ACBD6: variants seen among roughly 807,000 people sequenced by gnomAD.
ACBD6 encodes the protein acyl-CoA binding domain containing 6, also known as acyl-CoA-binding domain-containing protein 6.
In ACBD6, 28 loss-of-function variants were observed where a neutral mutation model predicts 37.2. The observed-to-expected ratio is 0.75, with a 90% confidence interval of 0.56 to 1.03. The LOEUF is 1.03. ACBD6 is among the 50% of genes least tolerant of loss of function. The pLI is 0.00. For synonymous variants in ACBD6, 113 were observed against 126.8 expected (o/e 0.89, Z 0.73); for missense variants, 340 against 337.4 (o/e 1.01, Z -0.06).
intron 6 of ACBD6, among the ~76,000 whole-genome samples, chr1:180,375,417 C>A (rs989682416): frequency 1.3e-5 from 2 of 152,144 alleles, no homozygotes; most frequent in African/African-American, 4.8e-5. Context: ...TCTCGATCTC[C>A]TGGGCTCAGG....
In ACBD6 at chr1:180,433,574, C is replaced by CTG. The variant is rs61101474; in HGVS notation, c.385-3314_385-3313dup. Among the ~76,000 whole-genome samples, 671 of 149,790 alleles carry CTG rather than the reference C, an allele frequency of 4.5e-3. 4 individuals carry two copies. Among genetic ancestry groups the CTG allele is most frequent in the Middle Eastern group, 0.014 (4 of 288 alleles). ...AATAAAAGGCATTTGTGGTGTTATG[C>CTG]TGTGTGTGTGTGTGTGTGTGTGTGT... On this transcript the variant is annotated intron_variant, in intron 3 of 7. Coordinates refer to ENST00000367595, the MANE Select transcript of ACBD6 (RefSeq NM_032360.4).
intron 5 of ACBD6, among the ~76,000 whole-genome samples, chr1:180,402,267 T>C (rs934149862): frequency 6.6e-6 from 1 of 152,188 alleles, no homozygotes; most frequent in Non-Finnish European, 1.5e-5. Context: ...GAAATGACAA[T>C]GTTATTTCAA....
At chr1:180,447,234 A>C (rs1649509100) in intron 3 of ACBD6, among the ~76,000 whole-genome samples, 1 of 152,190 alleles carries the variant, frequency 6.6e-6, no homozygotes, top group African/African-American at 2.4e-5. Flanking sequence ...TACTACATAC[A>C]CTAGCTAACA....
intron 6 of ACBD6, among the ~76,000 whole-genome samples, chr1:180,348,729 T>A (rs1434879351): frequency 6.6e-6 from 1 of 151,826 alleles, no homozygotes; most frequent in Non-Finnish European, 1.5e-5. Flanking sequence ...TCCAAACAGC[T>A]ATCAATTTTT....
At chr1:180,338,159 T>C (rs879212600) in intron 6 of ACBD6, among the ~76,000 whole-genome samples, 1 of 152,152 alleles carries the variant, frequency 6.6e-6, no homozygotes, top group South Asian at 2.1e-4. Flanking sequence ...ATGACTTTCT[T>C]CACAGAATTG....
intron 3 of ACBD6, among the ~76,000 whole-genome samples, chr1:180,440,251 G>C (rs1649226677): frequency 6.6e-6 from 1 of 152,058 alleles, no homozygotes. Flanking sequence ...TGGGATTACA[G>C]ATGCCCACCA....
At chr1:180,347,359 A>AGT (rs1282451195) in intron 6 of ACBD6, among the ~76,000 whole-genome samples, 9,908 of 35,956 alleles carry the variant, frequency 0.28, 1,415 homozygotes, top group East Asian at 0.38. Context: ...TTCAACAGAA[A>AGT]GTTTTTTTTT....
At chr1:180,478,496 T>C (rs58175505) in intron 3 of ACBD6, among the ~76,000 whole-genome samples, 6,602 of 151,824 alleles carry the variant, frequency 0.043, 460 homozygotes, top group African/African-American at 0.14. Context: ...TCTCTCTTTT[T>C]TTTTTTTTTT....
At chr1:180,317,254 A>G (rs531288576) in intron 6 of ACBD6, among the ~76,000 whole-genome samples, 35 of 152,340 alleles carry the variant, frequency 2.3e-4, no homozygotes, top group African/African-American at 7.9e-4. Context: ...ACACAAAAGG[A>G]CAAATATTGT....
rs1650729658 is a variant in ACBD6 at position 180,314,684 on chromosome 1, C to A, written c.694+8G>T. ...ATATGATTACTTAATAATTTAGAAA[C>A]TTCTTACCATAATGTAGAGCTGTTT... On this transcript the variant is annotated splice_region_variant and intron_variant, in intron 7 of 7. Coordinates refer to ENST00000367595, the MANE Select transcript of ACBD6 (RefSeq NM_032360.4). 1.3e-6 allele frequency: 2 copies of A among 1,521,666 alleles called. No individual in the cohort carries two copies. The allele number at this position is 1,521,666 out of a possible 1,614,324, so 94.3% of individuals were successfully genotyped here.
intron 4 of ACBD6, among the ~76,000 whole-genome samples, chr1:180,420,421 G>A (rs577025766): frequency 7.2e-5 from 11 of 152,238 alleles, no homozygotes; most frequent in Non-Finnish European, 1.3e-4. Context: ...GATCCTTCCC[G>A]ACCTTCATAA....
chr1:180,392,798 G>A (rs1654123928), intron 6 of ACBD6, among the ~76,000 whole-genome samples: 1 of 150,828 alleles, frequency 6.6e-6, no homozygotes, highest in Non-Finnish European at 1.5e-5. Context: ...GACACAGACA[G>A]GCACAAGGTA....
chr1:180,282,662 G>C (rs964612619), intron 8 of ACBD6, among the ~76,000 whole-genome samples: 1 of 152,024 alleles, frequency 6.6e-6, no homozygotes, highest in South Asian at 2.1e-4. Context: ...TCACTTTTTC[G>C]ACACCTGTCA....
intron 6 of ACBD6, among the ~76,000 whole-genome samples, chr1:180,392,854 C>G (rs554843750): frequency 7.2e-5 from 11 of 152,130 alleles, no homozygotes; most frequent in Admixed American, 7.2e-4. Flanking sequence ...TAAGCTTATA[C>G]AATTTATATG....
intron 6 of ACBD6, among the ~76,000 whole-genome samples, chr1:180,364,617 T>C (rs971570360): frequency 1.3e-5 from 2 of 152,196 alleles, no homozygotes; most frequent in East Asian, 1.9e-4. Context: ...GGCTATTTTG[T>C]GAAGTAAACA....
At chr1:180,470,811 A>G (rs74132904) in intron 3 of ACBD6, among the ~76,000 whole-genome samples, 6,439 of 152,290 alleles carry the variant, frequency 0.042, 433 homozygotes, top group African/African-American at 0.14. Context: ...TGTGCTCACA[A>G]AAAGTATTTT....
rs750795282 is a variant in ACBD6, at chr1:180,502,288, C to A, written c.-22G>T. ...CCATGTCTCCTTGCTCGCTCCGTCC[C>A]TCTGTGTCCGGTCTGTCCTCCTTGG... On this transcript the variant is annotated 5_prime_UTR_variant, in exon 1 of 8. The change creates a new upstream start codon in the 5' untranslated region. Coordinates refer to ENST00000367595, the MANE Select transcript of ACBD6 (RefSeq NM_032360.4). 1 of 1,611,256 alleles carries A rather than the reference C, an allele frequency of 6.2e-7. No individual in the cohort carries two copies. Among genetic ancestry groups the A allele is most frequent in the East Asian group, 2.2e-5 (1 of 44,872 alleles).
At chr1:180,378,935 G>A (rs2101924955) in intron 6 of ACBD6, among the ~76,000 whole-genome samples, 1 of 152,164 alleles carries the variant, frequency 6.6e-6, no homozygotes, top group Non-Finnish European at 1.5e-5. Flanking sequence ...CTAGGGGCTC[G>A]AGAACACACC....
chr1:180,443,805 A>C (rs1210074816), intron 3 of ACBD6, among the ~76,000 whole-genome samples: 1 of 125,126 alleles, frequency 8.0e-6, no homozygotes, highest in East Asian at 2.1e-4. Context: ...TTGTATTTTT[A>C]GTAGAGACAG....
Sources: gnomAD v4.1 joint callset for allele counts (sites outside exome capture counted in the v4.1 genomes callset) on GRCh38, gnomAD v4.1.1 for gene constraint, MANE v1.5 for transcripts, NCBI Gene and HGNC (gene_info 2026-07-23, HGNC 2026-07-21) for gene names.